CRYBA4: variants seen among roughly 807,000 people sequenced by gnomAD.
CRYBA4 encodes beta-crystallin A4.
CRYBA4 carries 30 observed loss-of-function variants against 31.7 expected under a neutral mutation model. That is an observed-to-expected ratio of 0.95 (90% CI 0.71 to 1.28). CRYBA4 has a LOEUF of 1.28. CRYBA4 is among the 50% of genes most tolerant of loss of function. The pLI is 0.00. For missense variants in CRYBA4, 225 were observed against 260.7 expected (o/e 0.86, Z 0.94); for synonymous variants, 102 against 102.3 (o/e 1.00, Z 0.02).
chr22:26,594,951 C>T, the CRYBA4 span, among the ~76,000 whole-genome samples: 1 of 152,150 alleles, frequency 6.6e-6, no homozygotes, highest in East Asian at 1.9e-4. Flanking sequence ...CTCTGAAATT[C>T]TGCTCCAGGT....
chr22:26,629,617 C>A (rs968693671), intron 5 of CRYBA4, among the ~76,000 whole-genome samples: 1 of 151,876 alleles, frequency 6.6e-6, no homozygotes, highest in East Asian at 1.9e-4. Flanking sequence ...GTGGCTATGC[C>A]TCTAGTCCCA....
chr22:26,594,023 CA>C, the CRYBA4 span, among the ~76,000 whole-genome samples: 2 of 152,186 alleles, frequency 1.3e-5, no homozygotes, highest in Admixed American at 1.3e-4. Context: ...AGCTGGAATG[CA>C]AACTCAGGTC....
chr22:26,619,878 G>A (rs1051790583), upstream of CRYBA4, among the ~76,000 whole-genome samples: 4 of 152,218 alleles, frequency 2.6e-5, no homozygotes, highest in Non-Finnish European at 5.9e-5. Context: ...AGAGAAGGGG[G>A]ATGGCCCACC....
At chr22:26,609,186 G>A in the CRYBA4 span, among the ~76,000 whole-genome samples, 1 of 152,230 alleles carries the variant, frequency 6.6e-6, no homozygotes, top group African/African-American at 2.4e-5. Context: ...GCTCTCCCCA[G>A]AAGGAGACAA....
At chr22:26,598,445 C>T in the CRYBA4 span, among the ~76,000 whole-genome samples, 5 of 152,140 alleles carry the variant, frequency 3.3e-5, no homozygotes, top group East Asian at 9.7e-4. Context: ...GGCATGATCA[C>T]GACTCACTGT....
chr22:26,598,337 T>C, the CRYBA4 span, among the ~76,000 whole-genome samples: 1 of 152,030 alleles, frequency 6.6e-6, no homozygotes, highest in Non-Finnish European at 1.5e-5. Flanking sequence ...TTCCTTTCTC[T>C]CTCTCTCCTT....
Position 26,630,373 on chromosome 22 carries a change from A to G in CRYBA4, c.477A>G (p.Gly159=). The G allele has an allele frequency of 6.2e-7, 1 of 1,614,186 alleles. No individual in the cohort carries two copies. Among genetic ancestry groups the G allele is most frequent in the Non-Finnish European group, 8.5e-7 (1 of 1,180,042 alleles). The change falls in exon 6 of 6, where the codon GGA becomes GGG. Residue 159 remains glycine, a synonymous_variant. Coordinates refer to ENST00000354760, the MANE Select transcript of CRYBA4 (RefSeq NM_001886.3). Reference sequence around the variant, plus strand: ...GCTCCCAGTTTCCGGGCTACCGAGGATTTCAGTATGTGCTGGAATGCGATC... The same window carrying G: ...GCTCCCAGTTTCCGGGCTACCGAGGGTTTCAGTATGTGCTGGAATGCGATC... ...WVCSQFPGYR[G]FQYVLECDHH...
chr22:26,605,248 A>G, the CRYBA4 span, among the ~76,000 whole-genome samples: 3 of 152,248 alleles, frequency 2.0e-5, no homozygotes, highest in Admixed American at 6.5e-5. Flanking sequence ...ACAGTTTGCA[A>G]TTGTAGATGG....
the CRYBA4 span, chr22:26,612,016 T>C: frequency 7.8e-7 from 1 of 1,280,922 alleles, no homozygotes; most frequent in South Asian, 1.2e-5. Context: ...GCAGCTACTG[T>C]TGTGTGGTCA....
chr22:26,591,513 C>T, the CRYBA4 span, among the ~76,000 whole-genome samples: 2 of 147,892 alleles, frequency 1.4e-5, no homozygotes, highest in East Asian at 2.0e-4. Context: ...GAGGCCGATG[C>T]GGGTGGATCA....
chr22:26,626,914 T>A (rs1449922641), intron 4 of CRYBA4, among the ~76,000 whole-genome samples: 1 of 152,216 alleles, frequency 6.6e-6, no homozygotes, highest in East Asian at 1.9e-4. Flanking sequence ...AATCTAAGGC[T>A]TGGAAACTAG....
intron 2 of CRYBA4, 113 bp from the exon 3 acceptor site, chr22:26,623,121 A>G: frequency 1.2e-6 from 1 of 868,134 alleles, no homozygotes; most frequent in Non-Finnish European, 1.9e-6. Flanking sequence ...CTCCTGGAGG[A>G]ATCTGAGTTT....
chr22:26,629,194 G>T (rs973868773), intron 5 of CRYBA4, among the ~76,000 whole-genome samples: 1 of 152,116 alleles, frequency 6.6e-6, no homozygotes, highest in Non-Finnish European at 1.5e-5. Flanking sequence ...TTCTTATTTA[G>T]GGAGGACATC....
chr22:26,626,944 G>A (rs1929718916), intron 4 of CRYBA4, among the ~76,000 whole-genome samples: 3 of 152,308 alleles, frequency 2.0e-5, no homozygotes, highest in East Asian at 1.9e-4. Flanking sequence ...CTGAGCAAAT[G>A]TGTCGCAATC....
the CRYBA4 span, among the ~76,000 whole-genome samples, chr22:26,602,482 T>C: frequency 2.0e-5 from 3 of 151,776 alleles, no homozygotes; most frequent in South Asian, 6.2e-4. Context: ...TCTCAGCTAC[T>C]TGGAAGGCTG....
At chr22:26,607,177 C>T in the CRYBA4 span, among the ~76,000 whole-genome samples, 1 of 151,972 alleles carries the variant, frequency 6.6e-6, no homozygotes, top group Non-Finnish European at 1.5e-5. Context: ...CATGCGCCAC[C>T]ACGCCCGGCT....
At chr22:26,590,830 T>C in the CRYBA4 span, among the ~76,000 whole-genome samples, 5 of 152,220 alleles carry the variant, frequency 3.3e-5, no homozygotes, top group South Asian at 2.1e-4. Context: ...AGCCCTGATA[T>C]ACACAAATGA....
At chr22:26,609,590 A>G in the CRYBA4 span, among the ~76,000 whole-genome samples, 2 of 152,302 alleles carry the variant, frequency 1.3e-5, no homozygotes, top group Non-Finnish European at 2.9e-5. Context: ...GATGGAGAAC[A>G]CATGGTGGGT....
At chr22:26,613,327 T>A in the CRYBA4 span, among the ~76,000 whole-genome samples, 10 of 152,204 alleles carry the variant, frequency 6.6e-5, no homozygotes, top group Non-Finnish European at 1.3e-4. Context: ...CATATAACCA[T>A]GACCCAGCAC....
Sources: allele counts gnomAD v4.1 joint callset (sites outside exome capture counted in the v4.1 genomes callset), GRCh38; gene constraint gnomAD v4.1.1; transcripts MANE v1.5; gene names NCBI Gene and HGNC (gene_info 2026-07-23, HGNC 2026-07-21).